The following DAB1 variants were observed in gnomAD, a reference collection of about 807,000 sequenced individuals.
DAB1 encodes disabled homolog 1.
Under a neutral mutation model 64.6 loss-of-function variants are expected in DAB1, and 15 were observed. That is an observed-to-expected ratio of 0.23 (90% CI 0.16 to 0.36). DAB1 has a LOEUF of 0.36. DAB1 is among the 10% of genes least tolerant of loss of function. DAB1 has a pLI of 1.00. For missense variants in DAB1, 596 were observed against 706.7 expected, an observed-to-expected ratio of 0.84 and a Z score of 1.78; for synonymous variants, 235 against 251.9, an observed-to-expected ratio of 0.93 and a Z score of 0.64.
chr1:58,154,452 C>CTTCATTCA lies in DAB1; in HGVS notation n.310-3872_310-3865dup, dbSNP rs143773624. Among the ~76,000 whole-genome samples, 1,086 of 151,178 alleles carry CTTCATTCA rather than the reference C, an allele frequency of 7.2e-3. 9 individuals are homozygous for CTTCATTCA. The highest frequency in any genetic ancestry group is 0.024 in the African/African-American group (1,006 of 41,100). ...GACAGGAGTCCTGTGTCATGCAGTT[C>CTTCATTCA]TTCATTCATTCATTCATTCATTCAT... On this transcript the variant is annotated intron_variant and non_coding_transcript_variant, in intron 4 of 20. Transcript: ENST00000485760.
intron 1 of DAB1, among the ~76,000 whole-genome samples, chr1:58,536,195 G>A (rs1305297127): frequency 3.3e-5 from 5 of 152,112 alleles, no homozygotes; most frequent in Admixed American, 1.3e-4. Context: ...TAATTCAGTC[G>A]GTATGAAGGA....
intron 4 of DAB1, among the ~76,000 whole-genome samples, chr1:58,298,439 G>A (rs1202018043): frequency 2.6e-5 from 4 of 152,176 alleles, no homozygotes; most frequent in Non-Finnish European, 5.9e-5. Flanking sequence ...TGTTGGAATA[G>A]GAATGAGATG....
At chr1:58,165,474 T>C (rs1177132241) in intron 4 of DAB1, among the ~76,000 whole-genome samples, 2 of 152,200 alleles carry the variant, frequency 1.3e-5, no homozygotes, top group Non-Finnish European at 2.9e-5. Flanking sequence ...TCCCTCTACC[T>C]GACAGGAATG....
chr1:57,585,846 T>G (rs993706389), intron 7 of DAB1, among the ~76,000 whole-genome samples: 5 of 152,224 alleles, frequency 3.3e-5, no homozygotes, highest in African/African-American at 1.2e-4. Flanking sequence ...CAAGTATATA[T>G]GCCAAACACT....
At chr1:57,001,267 T>G (rs1051417959) in intron 14 of DAB1, among the ~76,000 whole-genome samples, 2 of 152,198 alleles carry the variant, frequency 1.3e-5, no homozygotes, top group African/African-American at 4.8e-5. Flanking sequence ...GAATCGCACA[T>G]TAACATAACA....
At position 57,189,892 on chromosome 1, in the gene DAB1, T is replaced by C. The variant is rs155299; in HGVS notation, c.68-44463A>G. ...AGAAAACAACCATAAGGGTCTGTCA[T>C]GGCCCAAGAGCTCCTGCAGAATACC... On this transcript the variant is annotated intron_variant, in intron 2 of 14. Transcript: ENST00000371236. Among the ~76,000 whole-genome samples the C allele has an allele frequency of 9.9e-3, 1,501 of 150,866 alleles. 30 individuals carry two copies. Among genetic ancestry groups the C allele is most frequent in the African/African-American group, 0.035 (1,439 of 41,100 alleles).
chr1:57,236,999 C>A (rs1407011734), intron 2 of DAB1, among the ~76,000 whole-genome samples: 1 of 152,182 alleles, frequency 6.6e-6, no homozygotes, highest in Admixed American at 6.5e-5. Flanking sequence ...AAATTTACAT[C>A]TAAATAGTAG....
At chr1:58,000,912 T>G (rs1646498169) in intron 5 of DAB1, among the ~76,000 whole-genome samples, 1 of 152,014 alleles carries the variant, frequency 6.6e-6, no homozygotes, top group Non-Finnish European at 1.5e-5. Flanking sequence ...CTTATCTTCC[T>G]GTCTCCTGTC....
At chr1:57,857,285 T>C (rs997916951) in intron 1 of DAB1, among the ~76,000 whole-genome samples, 8 of 152,222 alleles carry the variant, frequency 5.3e-5, no homozygotes, top group African/African-American at 1.9e-4. Context: ...ATTTTTAATA[T>C]GGCAAAAGAA....
At chr1:57,898,910 A>T (rs1191037077) in intron 5 of DAB1, among the ~76,000 whole-genome samples, 1 of 152,170 alleles carries the variant, frequency 6.6e-6, no homozygotes, top group Non-Finnish European at 1.5e-5. Context: ...ATCAGTAAAC[A>T]AATTCAATCT....
At chr1:58,460,716 C>A (rs1398343317) in intron 3 of DAB1, among the ~76,000 whole-genome samples, 1 of 152,040 alleles carries the variant, frequency 6.6e-6, no homozygotes, top group Non-Finnish European at 1.5e-5. Context: ...TGGGCTCCAC[C>A]CAGACAGTGT....
chr1:57,347,920 T>C (rs998112785), intron 1 of DAB1, among the ~76,000 whole-genome samples: 3 of 152,174 alleles, frequency 2.0e-5, no homozygotes, highest in Admixed American at 2.0e-4. Context: ...AGGGATGAGC[T>C]TTGGGGTTCC....
intron 1 of DAB1, among the ~76,000 whole-genome samples, chr1:57,409,589 T>C (rs960122960): frequency 6.6e-6 from 1 of 152,120 alleles, no homozygotes; most frequent in Non-Finnish European, 1.5e-5. Flanking sequence ...GGTGGGCGGA[T>C]CATGAGGTCA....
At chr1:57,017,774 A>C (rs187332708) in intron 11 of DAB1, among the ~76,000 whole-genome samples, 12 of 152,346 alleles carry the variant, frequency 7.9e-5, no homozygotes, top group Admixed American at 5.9e-4. Context: ...TTCAAACGTG[A>C]AGCTTGCTTA....
In DAB1 at chr1:58,210,782, C is replaced by T. The variant is rs1284012489; in HGVS notation, n.310-60194G>A. Among the ~76,000 whole-genome samples the T allele has an allele frequency of 2.6e-5, 4 of 152,170 alleles. No homozygotes were observed. In the East Asian group the frequency reaches 5.8e-4, roughly 22 times the overall value. On this transcript the variant is annotated intron_variant and non_coding_transcript_variant, in intron 4 of 20. Coordinates refer to the DAB1 transcript ENST00000485760. Reference sequence around the variant, plus strand: ...CATAACTTACTTTCCTGTAAGAGAGCTCACATGAGGACAAGGTAGAAAATG... The same window carrying T: ...CATAACTTACTTTCCTGTAAGAGAGTTCACATGAGGACAAGGTAGAAAATG...
intron 7 of DAB1, among the ~76,000 whole-genome samples, chr1:57,563,497 C>T (rs1012270825): frequency 4.6e-5 from 7 of 152,120 alleles, no homozygotes; most frequent in African/African-American, 1.7e-4. Flanking sequence ...GAGGCATTAC[C>T]TCACCCAGGA....
chr1:57,086,840 A>G (rs531824560), intron 4 of DAB1, among the ~76,000 whole-genome samples: 20 of 152,254 alleles, frequency 1.3e-4, no homozygotes, highest in African/African-American at 4.8e-4. Context: ...ATAACACCTG[A>G]CGGTGAAATT....
chr1:58,453,435 T>A (rs1368752900), intron 3 of DAB1, among the ~76,000 whole-genome samples: 2 of 152,044 alleles, frequency 1.3e-5, no homozygotes, highest in Non-Finnish European at 2.9e-5. Flanking sequence ...TACTCGCGAG[T>A]CTTTGCTCAC....
chr1:58,278,275 GTGCCTGCTTCACCTTCTGCCATGATTGT>G (rs1661499536), intron 4 of DAB1, among the ~76,000 whole-genome samples: 1 of 1,116 alleles, frequency 9.0e-4, no homozygotes, highest in Non-Finnish European at 2.4e-3. Flanking sequence ...CATGTAAGAT[GTGCCTGCTTCACCTTCTGCCATGATTGT>G]AAGTTTCCTG....
Sources: allele counts gnomAD v4.1 joint callset (sites outside exome capture counted in the v4.1 genomes callset), GRCh38; gene constraint gnomAD v4.1.1; transcripts MANE v1.5; gene names NCBI Gene and HGNC (gene_info 2026-07-23, HGNC 2026-07-21).